The following LNX1 variants were observed in gnomAD, a reference collection of about 807,000 sequenced individuals.
The protein encoded by LNX1 is E3 ubiquitin-protein ligase LNX.
A neutral mutation model predicts 68.4 loss-of-function variants in LNX1; 54 were observed. The ratio of observed to expected loss-of-function variants is 0.79; its 90% CI spans 0.63 to 0.99. The LOEUF (loss-of-function observed/expected upper bound fraction) is 0.99. Among genes scored for constraint, LNX1 ranks in the 50% least tolerant of loss-of-function variants. LNX1 has a pLI of 0.00. For synonymous variants in LNX1, 336 were observed against 350.0 expected (o/e 0.96, Z 0.45); for missense variants, 906 against 926.4 (o/e 0.98, Z 0.29).
Position 53,528,753 on chromosome 4 carries a change from C to T in LNX1, c.381-20526G>A, listed in dbSNP as rs571859551. Among the ~76,000 whole-genome samples, 36 of 152,210 alleles carry T rather than the reference C, an allele frequency of 2.4e-4. 1 individual carries two copies. The highest frequency in any genetic ancestry group is 6.0e-4 in the African/African-American group (25 of 41,510). ...ATTGACCAAAGCTGGCCTAAACAAA[C>T]TGGGTAAGTTTACCTACCCTGGCAC... is the stretch of plus-strand genomic sequence containing the variant. On this transcript the variant is annotated intron_variant, in intron 2 of 10. Coordinates refer to ENST00000263925, the MANE Select transcript of LNX1 (RefSeq NM_001126328.3).
At chr4:53,502,208 C>T (rs1388617629) in intron 4 of LNX1, among the ~76,000 whole-genome samples, 4 of 152,192 alleles carry the variant, frequency 2.6e-5, no homozygotes, top group African/African-American at 9.7e-5. Flanking sequence ...CAGTCAGCAT[C>T]CCAACATCCA....
chr4:53,529,451 A>G (rs1727866911), intron 2 of LNX1, among the ~76,000 whole-genome samples: 1 of 152,210 alleles, frequency 6.6e-6, no homozygotes, highest in Admixed American at 6.5e-5. Flanking sequence ...ACTGCTTTAC[A>G]TTCACATATT....
At chr4:53,650,996 G>A (rs775125628) in intron 1 of LNX1, among the ~76,000 whole-genome samples, 5 of 152,150 alleles carry the variant, frequency 3.3e-5, no homozygotes, top group Non-Finnish European at 5.9e-5. Flanking sequence ...AACGCTATGA[G>A]GGATGTATTA....
At position 53,498,661 on chromosome 4, in the gene LNX1, G is replaced by A. The variant is rs760634604; in HGVS notation, c.958C>T (p.Pro320Ser). ...TCTACCTTTAGAATGATGTCTCCTG[G>A]CAGTAGCCGGCCGTCTCTGGCGATC... ...GVIARDGRLL[P>S]GDIILKVNGM... The change falls in exon 5 of 11, where the codon CCA becomes TCA. Residue 320 changes from proline to serine, a missense_variant. Transcript: ENST00000263925. 1 of 1,613,772 alleles carries A rather than the reference G, an allele frequency of 6.2e-7. No individual in the cohort carries two copies. Among genetic ancestry groups the A allele is most frequent in the South Asian group, 1.1e-5 (1 of 91,072 alleles).
chr4:53,595,718 C>T (rs543084902), upstream of LNX1, among the ~76,000 whole-genome samples: 8 of 152,272 alleles, frequency 5.3e-5, no homozygotes, highest in African/African-American at 1.9e-4. Context: ...ACAGGGAAAT[C>T]TAAGGGGGGA....
At chr4:53,498,872 G>A (rs1234647810) in intron 4 of LNX1, 29 bp from the exon 5 acceptor site, 4 of 1,554,760 alleles carry the variant, frequency 2.6e-6, no homozygotes, top group Non-Finnish European at 3.5e-6. Flanking sequence ...GTTTATTTAA[G>A]ACACCCACCC....
At chr4:53,624,692 C>T (rs1388653534) in intron 1 of LNX1, among the ~76,000 whole-genome samples, 2 of 152,164 alleles carry the variant, frequency 1.3e-5, no homozygotes, top group African/African-American at 2.4e-5. Context: ...AACCACCAAA[C>T]CCAAGGCCTT....
chr4:53,628,397 A>T (rs1157669866), intron 1 of LNX1, among the ~76,000 whole-genome samples: 1 of 152,214 alleles, frequency 6.6e-6, no homozygotes, highest in Non-Finnish European at 1.5e-5. Flanking sequence ...AATGTTCAAC[A>T]TCACTAATCA....
chr4:53,647,219 C>A (rs896859547), intron 1 of LNX1, among the ~76,000 whole-genome samples: 5 of 152,206 alleles, frequency 3.3e-5, no homozygotes, highest in African/African-American at 7.2e-5. Context: ...CACATACAAC[C>A]TTTGGCTCAC....
intron 1 of LNX1, among the ~76,000 whole-genome samples, chr4:53,630,455 G>A (rs1005958160): frequency 2.0e-5 from 3 of 152,094 alleles, no homozygotes; most frequent in Non-Finnish European, 4.4e-5. Flanking sequence ...CTGGATGTAA[G>A]TGTCCTTTTT....
At chr4:53,612,769 T>C (rs35809680) in intron 2 of LNX1, among the ~76,000 whole-genome samples, 110,833 of 150,628 alleles carry the variant, frequency 0.74, 41,086 homozygotes, top group East Asian at 0.91. Context: ...TCTGTACTCC[T>C]AGCTACTCAG....
chr4:53,551,037 G>A (rs180825101), intron 2 of LNX1, among the ~76,000 whole-genome samples: 2 of 152,302 alleles, frequency 1.3e-5, no homozygotes, highest in Admixed American at 6.5e-5. Context: ...TTTGTCAGAG[G>A]TGTATGTCGC....
chr4:53,575,799 T>A, intron 1 of LNX1: 1 of 1,579,730 alleles, frequency 6.3e-7, no homozygotes, highest in South Asian at 1.2e-5. Flanking sequence ...GGGCCCAGCT[T>A]CCTCCAGAGG....
At chr4:53,530,381 T>C (rs1267700484) in intron 2 of LNX1, among the ~76,000 whole-genome samples, 1 of 152,132 alleles carries the variant, frequency 6.6e-6, no homozygotes, top group Non-Finnish European at 1.5e-5. Flanking sequence ...AAGAAATGTA[T>C]ATGGGAAATT....
intron 7 of LNX1, among the ~76,000 whole-genome samples, chr4:53,481,286 C>T (rs574575019): frequency 1.3e-5 from 2 of 152,184 alleles, no homozygotes; most frequent in South Asian, 2.1e-4. Flanking sequence ...CTTCCTGGGC[C>T]CTTCGGCAAA....
At chr4:53,513,958 T>C (rs1726552850) in intron 2 of LNX1, among the ~76,000 whole-genome samples, 1 of 152,194 alleles carries the variant, frequency 6.6e-6, no homozygotes, top group Admixed American at 6.5e-5. Flanking sequence ...CTCCTGCTAG[T>C]CCTCAAACTT....
intron 9 of LNX1, among the ~76,000 whole-genome samples, chr4:53,471,987 G>C (rs1723222076): frequency 6.6e-6 from 1 of 152,186 alleles, no homozygotes; most frequent in Non-Finnish European, 1.5e-5. Flanking sequence ...CCATTACTGG[G>C]TGTATACCCA....
At chr4:53,576,451 GC>G (rs1731494711) in intron 1 of LNX1, 1 of 1,406,272 alleles carries the variant, frequency 7.1e-7, no homozygotes, top group Admixed American at 2.8e-5. Flanking sequence ...GTGCCAAAGT[GC>G]AGCTGACTCT....
At position 53,459,786 on chromosome 4, in the gene LNX1, T is replaced by TTTTG. The variant is rs1368102079; in HGVS notation, c.*1117_*1120dup. 9.4e-6 allele frequency: 3 copies of TTTTG among 320,504 alleles called. No individual in the cohort carries two copies. The highest frequency in any genetic ancestry group is 1.7e-5 in the Non-Finnish European group (3 of 171,798). 19.9% of individuals were successfully genotyped at this position (320,504 alleles called of 1,614,324 possible). A position where few individuals can be genotyped will look rare whatever the true frequency, so the allele number is the denominator to read the frequency against. ...AAGGGTTCCACTTGGGCCACAGTTT[T>TTTTG]TTTGTTAATCAAACACCACTCTCTT... On this transcript the variant is annotated 3_prime_UTR_variant, in exon 11 of 11. Coordinates refer to ENST00000263925, the MANE Select transcript of LNX1 (RefSeq NM_001126328.3).
Sources: allele counts gnomAD v4.1 joint callset (sites outside exome capture counted in the v4.1 genomes callset), GRCh38; gene constraint gnomAD v4.1.1; transcripts MANE v1.5; gene names NCBI Gene and HGNC (gene_info 2026-07-23, HGNC 2026-07-21).